The following ACBD6 variants were observed in gnomAD, a reference collection of about 807,000 sequenced individuals.
ACBD6 encodes acyl-CoA-binding domain-containing protein 6.
A neutral mutation model predicts 37.2 loss-of-function variants in ACBD6; 28 were observed. The ratio of observed to expected loss-of-function variants is 0.75; its 90% CI spans 0.56 to 1.03. The LOEUF is 1.03. Among genes scored for constraint, ACBD6 ranks in the 50% least tolerant of loss-of-function variants. The pLI, the probability that ACBD6 is intolerant of heterozygous loss-of-function variation, is 0.00. For synonymous variants in ACBD6, 113 were observed against 126.8 expected (o/e 0.89, Z 0.73); for missense variants, 340 against 337.4 (o/e 1.01, Z -0.06).
At chr1:180,354,672 A>C in intron 6 of ACBD6, among the ~76,000 whole-genome samples, 1 of 152,204 alleles carries the variant, frequency 6.6e-6, no homozygotes, top group East Asian at 1.9e-4. Context: ...TATTTTTTCT[A>C]GTATAAGTGA....
intron 9 of ACBD6, chr1:180,277,554 A>C (rs1159220311): frequency 1.3e-5 from 2 of 152,160 alleles, no homozygotes; most frequent in Non-Finnish European, 2.9e-5. Flanking sequence ...GGGGCTATGG[A>C]GGAATCTCTG....
chr1:180,388,831 ATACTTAG>A (rs1360863001), intron 6 of ACBD6, among the ~76,000 whole-genome samples: 1 of 152,046 alleles, frequency 6.6e-6, no homozygotes, highest in African/African-American at 2.4e-5. Context: ...AAAACATAAA[ATACTTAG>A]TAATAAATTT....
chr1:180,361,862 C>T (rs1652865962), intron 6 of ACBD6, among the ~76,000 whole-genome samples: 1 of 152,198 alleles, frequency 6.6e-6, no homozygotes, highest in Admixed American at 6.5e-5. Context: ...ATTTATTTTG[C>T]TGTATTTATT....
At chr1:180,493,839 T>C (rs1651623674) in intron 2 of ACBD6, among the ~76,000 whole-genome samples, 1 of 152,206 alleles carries the variant, frequency 6.6e-6, no homozygotes, top group Non-Finnish European at 1.5e-5. Flanking sequence ...TTTTTAAGAG[T>C]CCAACTGTTT....
intron 6 of ACBD6, among the ~76,000 whole-genome samples, chr1:180,318,532 C>T (rs2149293272): frequency 6.6e-6 from 1 of 152,206 alleles, no homozygotes; most frequent in South Asian, 2.1e-4. Context: ...GGGTCTGTCC[C>T]TCCAGAATAA....
At chr1:180,406,788 T>A (rs1647646234) in intron 5 of ACBD6, among the ~76,000 whole-genome samples, 1 of 152,140 alleles carries the variant, frequency 6.6e-6, no homozygotes, top group Non-Finnish European at 1.5e-5. Context: ...ACGTATATTA[T>A]CCCAGAGAAT....
At chr1:180,345,004 T>A (rs1652127387) in intron 6 of ACBD6, among the ~76,000 whole-genome samples, 1 of 152,200 alleles carries the variant, frequency 6.6e-6, no homozygotes, top group Non-Finnish European at 1.5e-5. Flanking sequence ...CACTATACAC[T>A]CTTCTTTACC....
rs760100075 is a variant in ACBD6 at position 180,430,261 on chromosome 1, A to G, written c.386T>C (p.Ile129Thr). Residue 129 changes from isoleucine to threonine, a missense_variant and splice_region_variant, in exon 4 of 8, where the codon ATA becomes ACA. Transcript: ENST00000367595. ...TGCTTCTTTTCCTTTCTTCTCTGGT[A>G]TCTGTGGGAAGGAGAAAAAAAAGTG... is the stretch of plus-strand genomic sequence containing the variant. ...KKLDPGWNPQ[I>T]PEKKGKEANT... 4 of 1,612,686 alleles carry G rather than the reference A, an allele frequency of 2.5e-6. No homozygotes were observed. The highest frequency in any genetic ancestry group is 3.4e-6 in the Non-Finnish European group (4 of 1,179,318).
chr1:180,480,802 G>A (rs973207977), intron 3 of ACBD6, among the ~76,000 whole-genome samples: 2 of 152,142 alleles, frequency 1.3e-5, no homozygotes, highest in African/African-American at 4.8e-5. Context: ...AGGCCGAGGT[G>A]GGTGGATGAC....
chr1:180,435,856 C>T, intron 3 of ACBD6: 1 of 1,291,410 alleles, frequency 7.7e-7, no homozygotes, highest in Non-Finnish European at 1.1e-6. Context: ...AACCAGGTAT[C>T]AAATTGACAC....
chr1:180,380,246 G>A (rs923797787), intron 6 of ACBD6, among the ~76,000 whole-genome samples: 1 of 149,530 alleles, frequency 6.7e-6, no homozygotes. Context: ...GAGATCATGT[G>A]GCAAAAACAA....
intron 6 of ACBD6, among the ~76,000 whole-genome samples, chr1:180,332,277 T>TA (rs1651515281): frequency 6.6e-6 from 1 of 152,210 alleles, no homozygotes; most frequent in African/African-American, 2.4e-5. Context: ...ACAAAGGCAG[T>TA]AACTTCATAT....
At chr1:180,365,551 T>C (rs966604867) in intron 6 of ACBD6, among the ~76,000 whole-genome samples, 4 of 152,224 alleles carry the variant, frequency 2.6e-5, no homozygotes, top group African/African-American at 9.6e-5. Context: ...ATCTAAGCTT[T>C]ATGTTTTATA....
chr1:180,467,448 C>CAAAAAAAAAAAAAAAAAAA (rs57941230), intron 3 of ACBD6, among the ~76,000 whole-genome samples: 2 of 72,538 alleles, frequency 2.8e-5, no homozygotes, highest in Non-Finnish European at 4.8e-5. Context: ...TCCATCTCTG[C>CAAAAAAAAAAAAAAAAAAA]AAAAAAAAAA....
intron 6 of ACBD6, among the ~76,000 whole-genome samples, chr1:180,387,184 A>C (rs1198598034): frequency 6.6e-6 from 1 of 152,110 alleles, no homozygotes; most frequent in African/African-American, 2.4e-5. Context: ...ACTATTCCAC[A>C]CTGTAGTTCA....
At chr1:180,453,593 G>C (rs552027123) in intron 3 of ACBD6, among the ~76,000 whole-genome samples, 1 of 152,180 alleles carries the variant, frequency 6.6e-6, no homozygotes, top group East Asian at 1.9e-4. Context: ...AATAGGAAGA[G>C]AGGAAGTCAA....
intron 3 of ACBD6, among the ~76,000 whole-genome samples, chr1:180,459,967 CT>C (rs67323272): frequency 0.5 from 53,082 of 107,076 alleles, 12,298 homozygotes; most frequent in South Asian, 0.58. Flanking sequence ...CAGACTGCTT[CT>C]TTTTTTTTTT....
At chr1:180,472,486 G>A (rs1650606651) in intron 3 of ACBD6, among the ~76,000 whole-genome samples, 1 of 152,160 alleles carries the variant, frequency 6.6e-6, no homozygotes, top group South Asian at 2.1e-4. Context: ...AATTTCCATG[G>A]AAGACACTAC....
At chr1:180,484,140 T>A (rs546043335) in intron 3 of ACBD6, among the ~76,000 whole-genome samples, 2 of 152,304 alleles carry the variant, frequency 1.3e-5, no homozygotes, top group East Asian at 3.9e-4. Flanking sequence ...CAGGGTTACC[T>A]CATGGCTCAG....
Sources: allele counts gnomAD v4.1 joint callset (sites outside exome capture counted in the v4.1 genomes callset), GRCh38; gene constraint gnomAD v4.1.1; transcripts MANE v1.5; gene names NCBI Gene and HGNC (gene_info 2026-07-23, HGNC 2026-07-21).